PABPC4L: variants seen among roughly 807,000 people sequenced by gnomAD.
PABPC4L encodes polyadenylate-binding protein 4-like.
For missense variants in PABPC4L, 452 were observed against 451.4 expected (o/e 1.00, Z -0.01); for synonymous variants, 169 against 164.1 (o/e 1.03, Z -0.23).
chr4:134,062,024 A>G, the PABPC4L span, among the ~76,000 whole-genome samples: 8 of 151,924 alleles, frequency 5.3e-5, no homozygotes, highest in African/African-American at 1.4e-4. Context: ...AGAAAACAAT[A>G]TGATACTAAT....
At chr4:133,974,942 A>C in the PABPC4L span, among the ~76,000 whole-genome samples, 1 of 152,056 alleles carries the variant, frequency 6.6e-6, no homozygotes, top group African/African-American at 2.4e-5. Flanking sequence ...AGTTTGATAG[A>C]CTCTGATAAA....
the PABPC4L span, among the ~76,000 whole-genome samples, chr4:134,139,582 A>G: frequency 1.8e-4 from 28 of 152,100 alleles, no homozygotes; most frequent in African/African-American, 6.7e-4. Flanking sequence ...TTAGTTTTCA[A>G]GTGTCATCTA....
At chr4:134,011,219 T>G in the PABPC4L span, among the ~76,000 whole-genome samples, 1 of 152,090 alleles carries the variant, frequency 6.6e-6, no homozygotes, top group East Asian at 1.9e-4. Flanking sequence ...CCCAAATACC[T>G]TTACACTGAT....
At chr4:134,080,274 A>G in the PABPC4L span, among the ~76,000 whole-genome samples, 1 of 152,194 alleles carries the variant, frequency 6.6e-6, no homozygotes, top group East Asian at 1.9e-4. Flanking sequence ...AAGAGAGTCT[A>G]AGAAGTGTTA....
At chr4:134,096,798 C>T in the PABPC4L span, among the ~76,000 whole-genome samples, 2 of 151,876 alleles carry the variant, frequency 1.3e-5, no homozygotes, top group African/African-American at 4.8e-5. Context: ...CAAATTTGTG[C>T]TTACATTTTT....
chr4:134,129,227 G>A, the PABPC4L span, among the ~76,000 whole-genome samples: 1 of 151,940 alleles, frequency 6.6e-6, no homozygotes, highest in African/African-American at 2.4e-5. Context: ...AATAATAGTG[G>A]GGGACTTTAA....
chr4:134,164,528 T>C, the PABPC4L span, among the ~76,000 whole-genome samples: 1 of 151,990 alleles, frequency 6.6e-6, no homozygotes, highest in Non-Finnish European at 1.5e-5. Context: ...CCTTTTACAA[T>C]AGCTGCAAAA....
the PABPC4L span, among the ~76,000 whole-genome samples, chr4:134,184,319 T>C: frequency 6.6e-6 from 1 of 151,922 alleles, no homozygotes; most frequent in Non-Finnish European, 1.5e-5. Context: ...TGACATTTCA[T>C]CATAACAAAA....
the PABPC4L span, among the ~76,000 whole-genome samples, chr4:134,168,163 C>T: frequency 1.4e-4 from 21 of 151,900 alleles, no homozygotes; most frequent in Admixed American, 1.3e-3. Context: ...AAACAACATT[C>T]TCTTGACTGA....
the PABPC4L span, among the ~76,000 whole-genome samples, chr4:133,972,391 T>C: frequency 6.6e-6 from 1 of 152,108 alleles, no homozygotes; most frequent in African/African-American, 2.4e-5. Context: ...ATATAGCAAA[T>C]ACTGTTATGT....
chr4:133,986,739 C>CT, the PABPC4L span, among the ~76,000 whole-genome samples: 26,316 of 143,806 alleles, frequency 0.18, 2,840 homozygotes, highest in Middle Eastern at 0.26. Context: ...AGTGAGAAGA[C>CT]TTTTTTTTTT....
the PABPC4L span, among the ~76,000 whole-genome samples, chr4:134,117,422 T>C: frequency 6.6e-6 from 1 of 151,698 alleles, no homozygotes; most frequent in Non-Finnish European, 1.5e-5. Flanking sequence ...ATGATAAAAA[T>C]ATCCAGGCAG....
At chr4:134,049,908 G>A in the PABPC4L span, among the ~76,000 whole-genome samples, 42 of 151,978 alleles carry the variant, frequency 2.8e-4, no homozygotes, top group Admixed American at 1.8e-3. Context: ...GAATCTCATC[G>A]CATGACTGCA....
the PABPC4L span, among the ~76,000 whole-genome samples, chr4:134,040,838 G>A: frequency 6.6e-6 from 1 of 151,972 alleles, no homozygotes; most frequent in African/African-American, 2.4e-5. Flanking sequence ...CTGACAAAGG[G>A]CAATTATCCA....
At chr4:134,129,726 C>G in the PABPC4L span, among the ~76,000 whole-genome samples, 6 of 151,822 alleles carry the variant, frequency 4.0e-5, no homozygotes, top group Admixed American at 3.9e-4. Context: ...CTCTGGGATA[C>G]AGCAAAAGTG....
the PABPC4L span, among the ~76,000 whole-genome samples, chr4:134,125,837 T>C: frequency 3.3e-5 from 5 of 152,054 alleles, no homozygotes; most frequent in African/African-American, 4.8e-5. Flanking sequence ...CATTTGATGC[T>C]TTAAAAAAAC....
chr4:134,055,570 A>G, the PABPC4L span, among the ~76,000 whole-genome samples: 1 of 151,066 alleles, frequency 6.6e-6, no homozygotes, highest in African/African-American at 2.4e-5. Context: ...TTTTATTATG[A>G]CAGTACTAGA....
chr4:134,147,432 T>G, the PABPC4L span, among the ~76,000 whole-genome samples: 6 of 152,156 alleles, frequency 3.9e-5, no homozygotes, highest in Non-Finnish European at 8.8e-5. Context: ...ATGAAAAAAA[T>G]TAACTATTTT....
the PABPC4L span, among the ~76,000 whole-genome samples, chr4:134,114,040 G>A: frequency 6.6e-6 from 1 of 151,796 alleles, no homozygotes; most frequent in African/African-American, 2.4e-5. Flanking sequence ...TTGGAGGACA[G>A]GCAATGGGCA....
Sources: gnomAD v4.1 joint callset for allele counts (sites outside exome capture counted in the v4.1 genomes callset) on GRCh38, gnomAD v4.1.1 for gene constraint, MANE v1.5 for transcripts, NCBI Gene and HGNC (gene_info 2026-07-23, HGNC 2026-07-21) for gene names.